Variants in CERT1 observed in about 807,000 individuals in gnomAD.
The protein encoded by CERT1 is ceramide transporter 1, also known as ceramide transfer protein.
In CERT1, 31 loss-of-function variants were observed where a neutral mutation model predicts 87.9. The observed-to-expected ratio is 0.35, with a 90% CI of 0.27 to 0.48. The LOEUF is 0.48. Ranked by LOEUF, CERT1 falls within the 20% of genes least tolerant of loss-of-function variation. CERT1 has a pLI of 0.99. For missense variants in CERT1, 487 were observed against 758.0 expected (o/e 0.64, Z 4.20); for synonymous variants, 289 against 250.9 (o/e 1.15, Z -1.44).
rs186908278 is a variant in CERT1 at position 75,412,694 on chromosome 5, A to G, written c.838-1591T>C. 4.1e-4 allele frequency among the ~76,000 whole-genome samples: 62 copies of G among 152,338 alleles called. No individual in the cohort carries two copies. The East Asian group carries it at 0.012, about 28-fold the overall frequency. ...ATGATGGTTAAGTATTTGTGAATCT[A>G]AACATAGAAAAGGGACAGGAAAAAT... On this transcript the variant is annotated intron_variant, in intron 7 of 16. Transcript: ENST00000643780.
At chr5:75,461,439 G>C (rs1580804039) in intron 2 of CERT1, among the ~76,000 whole-genome samples, 1 of 152,062 alleles carries the variant, frequency 6.6e-6, no homozygotes, top group Non-Finnish European at 1.5e-5. Context: ...CATGAAACTG[G>C]TCCCTGGTGC....
At chr5:75,491,990 C>T (rs972666126) in intron 2 of CERT1, among the ~76,000 whole-genome samples, 2 of 152,100 alleles carry the variant, frequency 1.3e-5, no homozygotes, top group South Asian at 2.1e-4. Context: ...CCTGATAATA[C>T]ATAAAATAGC....
chr5:75,455,374 C>T (rs1237654310), intron 3 of CERT1, among the ~76,000 whole-genome samples: 8 of 152,066 alleles, frequency 5.3e-5, no homozygotes, highest in South Asian at 2.1e-4. Context: ...TGTAGAATCC[C>T]GAAGCACAGA....
At chr5:75,436,869 G>T (rs545387716) in intron 3 of CERT1, among the ~76,000 whole-genome samples, 1 of 152,256 alleles carries the variant, frequency 6.6e-6, no homozygotes, top group East Asian at 1.9e-4. Flanking sequence ...CACAGGCTCA[G>T]ACAATCCTCC....
chr5:75,448,787 CTT>C (rs1237432920), intron 3 of CERT1, among the ~76,000 whole-genome samples: 1 of 152,108 alleles, frequency 6.6e-6, no homozygotes, highest in African/African-American at 2.4e-5. Flanking sequence ...ACAGAAATAA[CTT>C]TTGCAGTATG....
rs190801504 is a variant in CERT1, at chr5:75,493,003, A to G, written c.231+12979T>C. Among the ~76,000 whole-genome samples the G allele has an allele frequency of 1.9e-3, 283 of 152,350 alleles. 2 individuals carry two copies. Among genetic ancestry groups the G allele is most frequent in the Middle Eastern group, 3.4e-3 (1 of 294 alleles). The stretch of plus-strand genomic sequence containing the variant: ...TGCATTTCTAACAAGTTCACAGTTT[A>G]TACTGATGTTACTGCTCTGGAGATC... On this transcript the variant is annotated intron_variant, in intron 2 of 16. Coordinates refer to ENST00000643780, the MANE Select transcript of CERT1 (RefSeq NM_001379029.1).
chr5:75,460,960 T>C (rs756728185), intron 2 of CERT1, among the ~76,000 whole-genome samples: 1 of 152,178 alleles, frequency 6.6e-6, no homozygotes, highest in Non-Finnish European at 1.5e-5. Context: ...GGAAAAACAA[T>C]GCATATCCTG....
chr5:75,432,073 A>G (rs1222146792), intron 3 of CERT1, among the ~76,000 whole-genome samples: 3 of 131,408 alleles, frequency 2.3e-5, no homozygotes, highest in Non-Finnish European at 4.7e-5. Context: ...TTTTTTTGAG[A>G]TGAAGACTTG....
At chr5:75,419,671 T>C (rs954426299) in intron 5 of CERT1, among the ~76,000 whole-genome samples, 2 of 152,180 alleles carry the variant, frequency 1.3e-5, no homozygotes, top group African/African-American at 4.8e-5. Flanking sequence ...AGTGAGACTA[T>C]GGAGAAGGGT....
At chr5:75,466,321 AG>A in intron 2 of CERT1, among the ~76,000 whole-genome samples, 1 of 152,276 alleles carries the variant, frequency 6.6e-6, no homozygotes, top group South Asian at 2.1e-4. Context: ...TCCACTCAAA[AG>A]GTTCTTTTAA....
intron 2 of CERT1, among the ~76,000 whole-genome samples, chr5:75,467,164 A>C (rs532619948): frequency 6.6e-6 from 1 of 152,184 alleles, no homozygotes; most frequent in Non-Finnish European, 1.5e-5. Flanking sequence ...TCAGCAACTT[A>C]GTGGATTCTC....
rs779610347 is a variant in CERT1, at chr5:75,399,376, G to A, written c.1122C>T (p.Arg374=). ...GATCAATGGAAGACATGGAGGAAGA[G>A]CGACTATAGGGCTACCAGAGACAGA... ...THRFVQKPYS[R]SSSMSSIDLV... Residue 374 remains arginine (R), a synonymous_variant, in exon 11 of 17, where the codon CGC becomes CGT. Transcript: ENST00000643780. 3 of 1,613,142 alleles carry A rather than the reference G, an allele frequency of 1.9e-6. No homozygotes were observed. In the South Asian group the frequency reaches 3.3e-5, roughly 18 times the overall value.
chr5:75,389,826 T>C, intron 11 of CERT1, 139 bp from the exon 12 acceptor site: 2 of 625,716 alleles, frequency 3.2e-6, no homozygotes, highest in Non-Finnish European at 5.7e-6. Flanking sequence ...TTAGTAGGTT[T>C]TACATAGTGT....
intron 1 of CERT1, among the ~76,000 whole-genome samples, chr5:75,507,202 T>G (rs546851661): frequency 7.8e-4 from 118 of 152,240 alleles, no homozygotes; most frequent in African/African-American, 2.6e-3. Flanking sequence ...CATCTCAGTT[T>G]ACCGCAATCT....
At chr5:75,416,311 T>G (rs1335848493) in intron 7 of CERT1, among the ~76,000 whole-genome samples, 2 of 152,168 alleles carry the variant, frequency 1.3e-5, no homozygotes, top group Non-Finnish European at 2.9e-5. Context: ...AAATAGAAGT[T>G]TTCCTACTTA....
chr5:75,484,726 A>G (rs1031674542), intron 2 of CERT1, among the ~76,000 whole-genome samples: 3 of 152,174 alleles, frequency 2.0e-5, no homozygotes, highest in Non-Finnish European at 4.4e-5. Flanking sequence ...ACCCAGATAT[A>G]TAAAGCAAAT....
intron 3 of CERT1, among the ~76,000 whole-genome samples, chr5:75,452,846 A>C (rs901984365): frequency 5.9e-5 from 9 of 152,238 alleles, no homozygotes; most frequent in African/African-American, 2.2e-4. Context: ...CCTATCTTTA[A>C]AAATAATTTA....
At chr5:75,416,678 T>G (rs1485967818) in intron 7 of CERT1, among the ~76,000 whole-genome samples, 198 bp downstream of exon 7, 3 of 152,174 alleles carry the variant, frequency 2.0e-5, no homozygotes, top group African/African-American at 7.2e-5. Flanking sequence ...GCATACTGTA[T>G]AGTAACTAAA....
intron 3 of CERT1, among the ~76,000 whole-genome samples, chr5:75,429,178 T>A (rs915424246): frequency 6.9e-6 from 1 of 144,258 alleles, no homozygotes; most frequent in African/African-American, 2.6e-5. Flanking sequence ...AGAAACTGAA[T>A]AATAATAATA....
Sources: allele counts gnomAD v4.1 joint callset (sites outside exome capture counted in the v4.1 genomes callset), GRCh38; gene constraint gnomAD v4.1.1; transcripts MANE v1.5; gene names NCBI Gene and HGNC (gene_info 2026-07-23, HGNC 2026-07-21).